The following KIAA0586 variants were observed in gnomAD, a reference collection of about 807,000 sequenced individuals.
The protein encoded by KIAA0586 is KIAA0586.
KIAA0586 carries 144 observed loss-of-function variants against 169.8 expected under a neutral mutation model. That is an observed-to-expected ratio of 0.85 (90% confidence interval 0.74 to 0.97). The LOEUF (loss-of-function observed/expected upper bound fraction) is 0.97. KIAA0586 is among the 50% of genes least tolerant of loss of function. The probability of loss-of-function intolerance (pLI) is 0.00; values close to 1 mark genes in which losing one functional copy is unlikely to be tolerated. For synonymous variants in KIAA0586, 625 were observed against 612.4 expected (o/e 1.02, Z -0.30); for missense variants, 1,854 against 1,823.0 (o/e 1.02, Z -0.31).
chr14:58,492,754 A>G (rs2042913941), intron 26 of KIAA0586, among the ~76,000 whole-genome samples: 1 of 152,242 alleles, frequency 6.6e-6, no homozygotes, highest in Non-Finnish European at 1.5e-5. Context: ...ACACAATATT[A>G]CATTGATGTC....
chr14:58,517,858 A>G (rs1273482640), intron 29 of KIAA0586, among the ~76,000 whole-genome samples: 1 of 152,220 alleles, frequency 6.6e-6, no homozygotes, highest in Non-Finnish European at 1.5e-5. Flanking sequence ...CATTAAATGT[A>G]GTGAAAGAAG....
At chr14:58,457,274 C>G (rs1311632201) in intron 10 of KIAA0586, among the ~76,000 whole-genome samples, 1 of 151,770 alleles carries the variant, frequency 6.6e-6, no homozygotes, top group African/African-American at 2.4e-5. Flanking sequence ...AGTTTTTTTT[C>G]TTTTCTTTTT....
chr14:58,458,158 A>G (rs185655662), intron 11 of KIAA0586, among the ~76,000 whole-genome samples, 179 bp downstream of exon 11: 106 of 152,266 alleles, frequency 7.0e-4, no homozygotes, highest in Admixed American at 3.2e-3. Context: ...TGGTGGTACT[A>G]CTTTTTTCTG....
At chr14:58,536,573 A>T (rs1414817038) in intron 29 of KIAA0586, among the ~76,000 whole-genome samples, 1 of 152,218 alleles carries the variant, frequency 6.6e-6, no homozygotes, top group Non-Finnish European at 1.5e-5. Flanking sequence ...TTCACTTGGC[A>T]CCAGAGATAG....
Position 58,548,890 on chromosome 14 carries a change from C to A in KIAA0586, c.*958C>A, listed in dbSNP as rs190565364. The A allele has an allele frequency of 7.0e-4, 106 of 152,242 alleles. No individual in the cohort carries two copies. The highest frequency in any genetic ancestry group is 2.3e-3 in the African/African-American group (96 of 41,518). The allele number at this position is 152,242 out of a possible 1,614,324, so 9.4% of individuals were successfully genotyped here. ...TGCTTTGTGATAGGGGCCAACGAAA[C>A]GCCTTCTTATCAGCTGTTTCAGATT... On this transcript the variant is annotated 3_prime_UTR_variant, in exon 31 of 31. Coordinates refer to ENST00000652326, the MANE Select transcript of KIAA0586 (RefSeq NM_001329943.3).
At chr14:58,543,491 G>C (rs1345647071) in intron 30 of KIAA0586, among the ~76,000 whole-genome samples, 1 of 152,146 alleles carries the variant, frequency 6.6e-6, no homozygotes, top group African/African-American at 2.4e-5. Context: ...CCCTGTTCCA[G>C]AATCCATTCT....
At chr14:58,455,427 A>G (rs1415619952) in intron 9 of KIAA0586, among the ~76,000 whole-genome samples, 2 of 152,144 alleles carry the variant, frequency 1.3e-5, no homozygotes, top group Non-Finnish European at 2.9e-5. Context: ...TGGGCATTTT[A>G]AATAATACAG....
In KIAA0586 at chr14:58,513,748, T is replaced by C. The variant is rs372513763; in HGVS notation, c.4429+1121T>C. On this transcript the variant is annotated intron_variant, in intron 29 of 30. Transcript: ENST00000652326. ...TTTACTTCATGTTCTTCTACTGAGT[T>C]CTCATTTATGAACTGTCCTTCGCAG... Among the ~76,000 whole-genome samples, 4 of 152,212 alleles carry C rather than the reference T, an allele frequency of 2.6e-5. 1 individual carries two copies.
At chr14:58,464,510 G>A (rs1197661002) in intron 14 of KIAA0586, among the ~76,000 whole-genome samples, 6 of 151,708 alleles carry the variant, frequency 4.0e-5, no homozygotes, top group South Asian at 2.1e-4. Context: ...TCCTTTGCCC[G>A]CTTACTTTAT....
At chr14:58,478,500 G>A (rs2041815143) in intron 20 of KIAA0586, among the ~76,000 whole-genome samples, 1 of 152,016 alleles carries the variant, frequency 6.6e-6, no homozygotes, top group Non-Finnish European at 1.5e-5. Flanking sequence ...CAATCAATCA[G>A]TCAATCAATT....
At chr14:58,477,586 A>T (rs1212474363) in intron 20 of KIAA0586, among the ~76,000 whole-genome samples, 1 of 152,192 alleles carries the variant, frequency 6.6e-6, no homozygotes, top group Non-Finnish European at 1.5e-5. Context: ...TCAGGATTTA[A>T]GGATGTTTCT....
intron 4 of KIAA0586, chr14:58,439,892 T>A: frequency 3.6e-5 from 32 of 879,208 alleles, no homozygotes; most frequent in Non-Finnish European, 4.4e-5. Flanking sequence ...ACTCTTCAGT[T>A]TTGTCAGTGG....
At chr14:58,532,191 A>C (rs544532166) in intron 29 of KIAA0586, among the ~76,000 whole-genome samples, 1 of 152,170 alleles carries the variant, frequency 6.6e-6, no homozygotes, top group Non-Finnish European at 1.5e-5. Context: ...AATTGAAAAA[A>C]AAAAGGAAAA....
Position 58,437,587 on chromosome 14 carries a change from C to A in KIAA0586, c.411-5119C>A, listed in dbSNP as rs12588677. On this transcript the variant is annotated intron_variant, in intron 4 of 30. Transcript: ENST00000652326. ...CCAGGTGGGGTGGCATGTGCTTGTA[C>A]TCCTCATTACTTGAGAGGCTGAGGC... Among the ~76,000 whole-genome samples the A allele has an allele frequency of 2.1e-3, 322 of 151,088 alleles. 7 individuals carry two copies. In the East Asian group the frequency reaches 0.049, roughly 23 times the overall value.
At chr14:58,560,723 A>C in the KIAA0586 span, among the ~76,000 whole-genome samples, 1 of 152,164 alleles carries the variant, frequency 6.6e-6, no homozygotes, top group Admixed American at 6.5e-5. Context: ...GCTGAATTCA[A>C]ATGCTTTATG....
At chr14:58,430,797 C>T (rs1010246864) in intron 3 of KIAA0586, 80 bp downstream of exon 3, 2 of 747,068 alleles carry the variant, frequency 2.7e-6, no homozygotes, top group African/African-American at 3.6e-5. Flanking sequence ...ATGTACAGTT[C>T]TGTGACAGTA....
intron 20 of KIAA0586, among the ~76,000 whole-genome samples, chr14:58,481,032 A>G (rs1161784611): frequency 6.6e-6 from 1 of 152,220 alleles, no homozygotes; most frequent in Non-Finnish European, 1.5e-5. Flanking sequence ...TGCTCAAAGA[A>G]TGAATTATGG....
At chr14:58,463,969 G>A in intron 14 of KIAA0586, 2 of 445,948 alleles carry the variant, frequency 4.5e-6, no homozygotes, top group Middle Eastern at 4.0e-4. Context: ...AGACCTTGCA[G>A]GACCTCACCT....
chr14:58,514,187 T>C (rs919533810), intron 29 of KIAA0586, among the ~76,000 whole-genome samples: 1 of 152,102 alleles, frequency 6.6e-6, no homozygotes, highest in African/African-American at 2.4e-5. Context: ...ATGACTTTTT[T>C]CCCCATAGAT....
Sources: allele counts gnomAD v4.1 joint callset (sites outside exome capture counted in the v4.1 genomes callset), GRCh38; gene constraint gnomAD v4.1.1; transcripts MANE v1.5; gene names NCBI Gene and HGNC (gene_info 2026-07-23, HGNC 2026-07-21).